HHIPL1: variants seen among roughly 807,000 people sequenced by gnomAD.
HHIPL1 encodes the protein HHIP like 1, also known as HHIP-like protein 1.
HHIPL1 carries 43 observed loss-of-function variants against 61.8 expected under a neutral mutation model. That is an observed-to-expected ratio of 0.70 (90% CI 0.55 to 0.90). The LOEUF (loss-of-function observed/expected upper bound fraction) is 0.90. Among genes scored for constraint, HHIPL1 ranks in the 40% least tolerant of loss-of-function variants. The probability of loss-of-function intolerance (pLI) is 0.00; values close to 1 mark genes in which losing one functional copy is unlikely to be tolerated. For synonymous variants in HHIPL1, 482 were observed against 515.8 expected (o/e 0.93, Z 0.89); for missense variants, 1,056 against 1,157.7 (o/e 0.91, Z 1.28).
At chr14:99,639,808 C>T in the HHIPL1 span, among the ~76,000 whole-genome samples, 24 of 151,856 alleles carry the variant, frequency 1.6e-4, no homozygotes, top group Non-Finnish European at 2.8e-4. Context: ...ACTACAGGCA[C>T]GCGCTACCAC....
At chr14:99,637,078 GAGAAAGAAAGAAA>G in the HHIPL1 span, among the ~76,000 whole-genome samples, 5 of 99,112 alleles carry the variant, frequency 5.0e-5, no homozygotes, top group African/African-American at 2.0e-4. Flanking sequence ...AAGAAAGAGA[GAGAAAGAAAGAAA>G]GAAGGAAGGA....
At chr14:99,634,596 G>C in the HHIPL1 span, among the ~76,000 whole-genome samples, 1 of 152,210 alleles carries the variant, frequency 6.6e-6, no homozygotes, top group Non-Finnish European at 1.5e-5. Context: ...ACAGGACAGA[G>C]CATGGGAAGT....
the HHIPL1 span, among the ~76,000 whole-genome samples, chr14:99,638,522 G>A: frequency 2.6e-5 from 4 of 152,210 alleles, no homozygotes; most frequent in Non-Finnish European, 4.4e-5. Context: ...AGTGGCAGCC[G>A]ATGATGCCTG....
chr14:99,653,541 C>T (rs2055975800), intron 2 of HHIPL1, among the ~76,000 whole-genome samples: 1 of 152,170 alleles, frequency 6.6e-6, no homozygotes, highest in Non-Finnish European at 1.5e-5. Flanking sequence ...CTGTGTTGCG[C>T]AGGCTGGTCT....
At position 99,668,072 on chromosome 14, in the gene HHIPL1, G is replaced by C; in HGVS notation, c.1649-150G>C. The C allele has an allele frequency of 1.5e-6, 1 of 673,552 alleles. No homozygotes were observed. Among genetic ancestry groups the C allele is most frequent in the South Asian group, 1.7e-5 (1 of 60,348 alleles). The allele number at this position is 673,552 out of a possible 1,614,324, so 41.7% of individuals were successfully genotyped here. On this transcript the variant is annotated intron_variant, in intron 6 of 8. Coordinates refer to ENST00000330710, the MANE Select transcript of HHIPL1 (RefSeq NM_001127258.3). This position sits in a 1 kb window ranked among gnomAD's most constrained non-coding sequence, Gnocchi z 4.7. ...CCTCACTTCCTCTTTCTGGGGACTG[G>C]ACAGCTAGACTGAGCTGGGATGCCT...
the HHIPL1 span, among the ~76,000 whole-genome samples, chr14:99,616,668 T>A: frequency 9.9e-5 from 15 of 152,176 alleles, no homozygotes; most frequent in Admixed American, 3.9e-4. Context: ...TTGGTTTTTT[T>A]AAAAAATAAG....
At chr14:99,646,857 AATATG>A (rs1340039238) in intron 1 of HHIPL1, among the ~76,000 whole-genome samples, 10,110 of 139,714 alleles carry the variant, frequency 0.072, 535 homozygotes, top group Non-Finnish European at 0.11. Flanking sequence ...AATATAATAT[AATATG>A]ATATAATATG....
At chr14:99,633,706 T>C in the HHIPL1 span, among the ~76,000 whole-genome samples, 1 of 152,202 alleles carries the variant, frequency 6.6e-6, no homozygotes, top group Admixed American at 6.5e-5. Context: ...GACCCCGCCC[T>C]CCCTTACAGG....
At chr14:99,643,786 G>A (rs2055784571), upstream of HHIPL1, among the ~76,000 whole-genome samples, 1 of 152,168 alleles carries the variant, frequency 6.6e-6, no homozygotes, top group Non-Finnish European at 1.5e-5. Flanking sequence ...AGAAGCCGGG[G>A]TATTTCTCCT....
At chr14:99,640,305 G>A (rs1031465579), upstream of HHIPL1, among the ~76,000 whole-genome samples, 1 of 152,010 alleles carries the variant, frequency 6.6e-6, no homozygotes, top group African/African-American at 2.4e-5. Flanking sequence ...TTATTTTTGA[G>A]ATAGGGTCTT....
At chr14:99,657,527 C>T (rs749967910) in intron 3 of HHIPL1, among the ~76,000 whole-genome samples, 12 of 152,152 alleles carry the variant, frequency 7.9e-5, no homozygotes, top group Non-Finnish European at 1.3e-4. Flanking sequence ...CTTCCCAGGC[C>T]GAATGGAAAG....
At chr14:99,605,436 C>A in the HHIPL1 span, among the ~76,000 whole-genome samples, 1 of 152,092 alleles carries the variant, frequency 6.6e-6, no homozygotes, top group South Asian at 2.1e-4. Flanking sequence ...AATCCGCGCA[C>A]GCGACAGTGA....
the HHIPL1 span, among the ~76,000 whole-genome samples, chr14:99,616,968 G>A: frequency 6.6e-6 from 1 of 152,144 alleles, no homozygotes; most frequent in Non-Finnish European, 1.5e-5. Flanking sequence ...TGCTCTCATA[G>A]GAGCTGAGAA....
the HHIPL1 span, among the ~76,000 whole-genome samples, chr14:99,621,103 C>T: frequency 6.6e-6 from 1 of 152,158 alleles, no homozygotes; most frequent in Non-Finnish European, 1.5e-5. Flanking sequence ...TTATGTTATG[C>T]CCACTTTTTT....
chr14:99,642,772 C>T (rs192854901), upstream of HHIPL1, among the ~76,000 whole-genome samples: 3 of 152,256 alleles, frequency 2.0e-5, no homozygotes, highest in East Asian at 5.8e-4. Context: ...GATCCGCCCA[C>T]CTTGGCCTCC....
At chr14:99,638,770 G>A in the HHIPL1 span, among the ~76,000 whole-genome samples, 1 of 152,314 alleles carries the variant, frequency 6.6e-6, no homozygotes, top group Non-Finnish European at 1.5e-5. Flanking sequence ...ACACTTCTCA[G>A]CCCCAGGCCT....
Position 99,645,319 on chromosome 14 carries a change from C to G in HHIPL1, c.112C>G (p.Leu38Val), listed in dbSNP as rs890056635. The G allele has an allele frequency of 6.9e-7, 1 of 1,458,026 alleles. No homozygotes were observed. Among genetic ancestry groups the G allele is most frequent in the Admixed American group, 2.5e-5 (1 of 39,586 alleles). 90.3% of individuals were successfully genotyped at this position (1,458,026 alleles called of 1,614,324 possible). A position where few individuals can be genotyped will look rare whatever the true frequency, so the allele number is the denominator to read the frequency against. ...PPFRPTQPLR[L>V]CAQYSDFGCC... ...CTTCCGGCCGACGCAGCCGCTGCGC[C>G]TCTGCGCGCAGTACTCGGACTTCGG... The change falls in exon 1 of 9, where the codon CTC becomes GTC. Residue 38 changes from leucine (L) to valine (V), a missense_variant. Leu to Val is a conservative substitution (Grantham distance 32). Coordinates refer to ENST00000330710, the MANE Select transcript of HHIPL1 (RefSeq NM_001127258.3).
At chr14:99,653,317 A>G (rs1385976005) in intron 2 of HHIPL1, among the ~76,000 whole-genome samples, 3 of 84,042 alleles carry the variant, frequency 3.6e-5, no homozygotes, top group Non-Finnish European at 8.4e-5. Context: ...CTCTGGCCTG[A>G]AGGTGCCATC....
intron 1 of HHIPL1, among the ~76,000 whole-genome samples, chr14:99,645,931 CG>C (rs1313041845): frequency 2.6e-5 from 4 of 152,180 alleles, no homozygotes; most frequent in Non-Finnish European, 4.4e-5. Flanking sequence ...ACGTGTGGCC[CG>C]GGTTTGTTGA....
Sources: allele counts gnomAD v4.1 joint callset (sites outside exome capture counted in the v4.1 genomes callset), GRCh38; gene constraint gnomAD v4.1.1; non-coding constraint Gnocchi (gnomAD v3.1); transcripts MANE v1.5; gene names NCBI Gene and HGNC (gene_info 2026-07-23, HGNC 2026-07-21).